Variants in EPHB1 observed in about 807,000 individuals in gnomAD.
EPHB1 encodes EPH receptor B1.
EPHB1 carries 30 observed loss-of-function variants against 94.4 expected under a neutral mutation model. That is an observed-to-expected ratio of 0.32 (90% CI 0.24 to 0.43). The LOEUF (loss-of-function observed/expected upper bound fraction) is 0.43, where lower values mean the gene tolerates loss of function less well. Ranked by LOEUF, EPHB1 falls within the 20% of genes least tolerant of loss-of-function variation. The pLI is 1.00. For missense variants in EPHB1, 1,055 were observed against 1,308.3 expected (o/e 0.81, Z 2.99); for synonymous variants, 522 against 489.1 (o/e 1.07, Z -0.89).
chr3:135,153,486 ATTTG>A (rs1179412989), intron 5 of EPHB1, among the ~76,000 whole-genome samples: 3 of 152,052 alleles, frequency 2.0e-5, no homozygotes, highest in Non-Finnish European at 4.4e-5. Flanking sequence ...CAAATGTTTG[ATTTG>A]TTTATCATTT....
chr3:135,213,370 T>C (rs1943073350), intron 12 of EPHB1, among the ~76,000 whole-genome samples: 1 of 152,256 alleles, frequency 6.6e-6, no homozygotes, highest in African/African-American at 2.4e-5. Flanking sequence ...CTCTGAACAC[T>C]TGCATGGTTT....
chr3:135,046,654 C>T (rs946331452), intron 3 of EPHB1, among the ~76,000 whole-genome samples: 1 of 152,150 alleles, frequency 6.6e-6, no homozygotes, highest in African/African-American at 2.4e-5. Flanking sequence ...CAGTCCCAGG[C>T]GAGACTAATT....
chr3:134,832,952 G>T (rs546593574), intron 1 of EPHB1, among the ~76,000 whole-genome samples: 35 of 152,344 alleles, frequency 2.3e-4, no homozygotes, highest in South Asian at 6.2e-4. Flanking sequence ...ACTGGTATTG[G>T]TTAGGTCTTA....
intron 5 of EPHB1, among the ~76,000 whole-genome samples, chr3:135,151,249 A>G (rs920443887): frequency 6.6e-6 from 1 of 152,118 alleles, no homozygotes; most frequent in South Asian, 2.1e-4. Context: ...ATGGCCCTCC[A>G]GCTTGCTCAG....
intron 1 of EPHB1, among the ~76,000 whole-genome samples, chr3:134,903,555 T>C (rs1464764081): frequency 6.6e-6 from 1 of 152,168 alleles, no homozygotes; most frequent in Non-Finnish European, 1.5e-5. Flanking sequence ...TCTGAGAATC[T>C]CCTTCTCAGA....
intron 3 of EPHB1, among the ~76,000 whole-genome samples, chr3:135,022,970 C>T (rs142538673): frequency 2.4e-4 from 37 of 152,250 alleles, no homozygotes; most frequent in African/African-American, 8.7e-4. Context: ...GTGTGTTGGT[C>T]AAGTAGAAAA....
intron 1 of EPHB1, among the ~76,000 whole-genome samples, chr3:134,802,434 G>C (rs1269849713): frequency 6.6e-6 from 1 of 152,114 alleles, no homozygotes; most frequent in Non-Finnish European, 1.5e-5. Context: ...ATCATGGGTG[G>C]GGCATGGATC....
intron 1 of EPHB1, among the ~76,000 whole-genome samples, chr3:134,886,399 A>G (rs1047425282): frequency 1.3e-5 from 2 of 152,192 alleles, no homozygotes; most frequent in African/African-American, 4.8e-5. Flanking sequence ...GAGAAAACTG[A>G]GAGACACAGA....
chr3:135,253,180 G>A (rs1196492805), intron 15 of EPHB1, among the ~76,000 whole-genome samples: 4 of 150,018 alleles, frequency 2.7e-5, no homozygotes. Flanking sequence ...CACTCTGATG[G>A]TAGTTTCTTT....
chr3:134,811,007 G>A (rs2036162478), intron 1 of EPHB1, among the ~76,000 whole-genome samples: 1 of 152,154 alleles, frequency 6.6e-6, no homozygotes. Context: ...ATAAAGGACT[G>A]TGAGGGCTCG....
chr3:135,100,956 CG>C (rs1251612053), intron 3 of EPHB1, among the ~76,000 whole-genome samples: 1 of 151,882 alleles, frequency 6.6e-6, no homozygotes, highest in Non-Finnish European at 1.5e-5. Flanking sequence ...GTGGTGAGGT[CG>C]GGGAGAGGGG....
chr3:135,258,970 C>T (rs1001762457), intron 15 of EPHB1, 42 bp from the exon 16 acceptor site: 1 of 1,478,528 alleles, frequency 6.8e-7, no homozygotes. Flanking sequence ...GAAAAGCTAA[C>T]CTAACACTAA....
chr3:134,947,926 T>C (rs2039244207), intron 2 of EPHB1, among the ~76,000 whole-genome samples: 1 of 151,998 alleles, frequency 6.6e-6, no homozygotes, highest in Non-Finnish European at 1.5e-5. Context: ...GAATAGCTGG[T>C]TCTACAGGCA....
At chr3:134,963,862 G>A (rs1003111477) in intron 3 of EPHB1, among the ~76,000 whole-genome samples, 1 of 152,210 alleles carries the variant, frequency 6.6e-6, no homozygotes, top group Non-Finnish European at 1.5e-5. Flanking sequence ...TACATTTGGG[G>A]ACTTCACGGA....
At chr3:134,931,562 G>A (rs1344967227) in intron 2 of EPHB1, among the ~76,000 whole-genome samples, 1 of 152,214 alleles carries the variant, frequency 6.6e-6, no homozygotes, top group African/African-American at 2.4e-5. Flanking sequence ...TTCAGGGCCT[G>A]TGATACGCTC....
intron 11 of EPHB1, among the ~76,000 whole-genome samples, chr3:135,196,941 C>A (rs995373555): frequency 6.6e-6 from 1 of 151,956 alleles, no homozygotes; most frequent in African/African-American, 2.4e-5. Flanking sequence ...AGGGATTCAA[C>A]CTGGTGGCTC....
chr3:134,912,422 T>A (rs536137338), intron 1 of EPHB1, among the ~76,000 whole-genome samples: 48 of 152,180 alleles, frequency 3.2e-4, no homozygotes, highest in Non-Finnish European at 5.4e-4. Context: ...TAGCACTGAG[T>A]AGCAGTGGGC....
At chr3:134,854,105 G>C (rs115531016) in intron 1 of EPHB1, among the ~76,000 whole-genome samples, 1,766 of 152,258 alleles carry the variant, frequency 0.012, 37 homozygotes, top group African/African-American at 0.04. Flanking sequence ...GGTGATATTG[G>C]GCTGAGCTAG....
At chr3:135,039,037 C>A (rs1412326757) in intron 3 of EPHB1, among the ~76,000 whole-genome samples, 6 of 152,108 alleles carry the variant, frequency 3.9e-5, no homozygotes, top group African/African-American at 1.4e-4. Context: ...AGTTTCGACA[C>A]ACAGGTTCTC....
Sources: allele counts gnomAD v4.1 joint callset (sites outside exome capture counted in the v4.1 genomes callset), GRCh38; gene constraint gnomAD v4.1.1; transcripts MANE v1.5; gene names NCBI Gene and HGNC (gene_info 2026-07-23, HGNC 2026-07-21).